BCAT1: variants seen among roughly 807,000 people sequenced by gnomAD.
BCAT1 encodes the protein branched-chain-amino-acid aminotransferase, cytosolic.
In BCAT1, 48 loss-of-function variants were observed where a neutral mutation model predicts 52.4. The ratio of observed to expected loss-of-function variants is 0.92; its 90% CI spans 0.73 to 1.16. The LOEUF is 1.16. Among genes scored for constraint, BCAT1 ranks in the 50% most tolerant of loss-of-function variants. The pLI, the probability that BCAT1 is intolerant of heterozygous loss-of-function variation, is 0.00. For missense variants in BCAT1, 451 were observed against 457.1 expected (o/e 0.99, Z 0.12); for synonymous variants, 167 against 161.3 (o/e 1.04, Z -0.27).
intron 6 of BCAT1, among the ~76,000 whole-genome samples, chr12:24,845,800 T>A (rs998622996): frequency 6.6e-6 from 1 of 152,206 alleles, no homozygotes; most frequent in Non-Finnish European, 1.5e-5. Context: ...CTCATGCCTG[T>A]AATCCCAGTG....
chr12:24,847,231 T>A (rs1941374158), intron 6 of BCAT1, among the ~76,000 whole-genome samples: 1 of 152,158 alleles, frequency 6.6e-6, no homozygotes, highest in Admixed American at 6.5e-5. Flanking sequence ...CAGTTTTAGG[T>A]TCCCACCAAA....
chr12:24,895,026 A>G (rs777238070), intron 2 of BCAT1, among the ~76,000 whole-genome samples: 4 of 152,222 alleles, frequency 2.6e-5, no homozygotes, highest in South Asian at 2.1e-4. Flanking sequence ...TGAAAACAGG[A>G]AAGTTGAGAA....
chr12:24,894,331 G>T lies in BCAT1; in HGVS notation c.223C>A (p.Pro75Thr). The T allele has an allele frequency of 1.2e-6, 2 of 1,613,956 alleles. No individual in the cohort carries two copies. Among genetic ancestry groups the T allele is most frequent in the Non-Finnish European group, 1.7e-6 (2 of 1,179,876 alleles). ...GGGTGCAATGACAGGTTCTGAAGAG[G>T]CTTGATATGAGGTTTCTCCCATCCA... ...EFGWEKPHIK[P>T]LQNLSLHPGS... The change falls in exon 3 of 11, where the codon CCT becomes ACT. Residue 75 changes from proline to threonine, a missense_variant. By Grantham distance (38) the Pro-to-Thr change is conservative. Coordinates refer to ENST00000261192, the MANE Select transcript of BCAT1 (RefSeq NM_005504.7).
intron 1 of BCAT1, among the ~76,000 whole-genome samples, chr12:24,937,576 C>T (rs34556925): frequency 0.16 from 24,258 of 152,122 alleles, 2,490 homozygotes; most frequent in Non-Finnish European, 0.23. Flanking sequence ...AGTGCAGTGA[C>T]GTGATCACAG....
intron 10 of BCAT1, among the ~76,000 whole-genome samples, chr12:24,828,683 T>C (rs1321502420): frequency 2.6e-5 from 4 of 152,206 alleles, no homozygotes; most frequent in Non-Finnish European, 5.9e-5. Flanking sequence ...TACAATATGA[T>C]CCCATTTTGT....
intron 1 of BCAT1, among the ~76,000 whole-genome samples, chr12:24,916,434 C>CAA (rs138576755): frequency 6.6e-6 from 1 of 151,632 alleles, no homozygotes; most frequent in Non-Finnish European, 1.5e-5. Context: ...CGGTTGCACT[C>CAA]AAAAAAAAGA....
chr12:24,923,129 G>C (rs1943526658), intron 1 of BCAT1, among the ~76,000 whole-genome samples: 1 of 152,118 alleles, frequency 6.6e-6, no homozygotes, highest in African/African-American at 2.4e-5. Flanking sequence ...TAAAATTCCA[G>C]ACTCCCAGAA....
In BCAT1 at chr12:24,842,200, G is replaced by C. The variant is rs776979065; in HGVS notation, c.699C>G (p.Ala233=). Residue 233 remains alanine (A), a synonymous_variant, in exon 7 of 11, where the codon GCC becomes GCG. Coordinates refer to ENST00000261192, the MANE Select transcript of BCAT1 (RefSeq NM_005504.7). ...ACCCATTATCTACTGCTTCACATTG[G>C]GCAAAAAGAGATGAGCCGTAATTCC... ...MGGNYGSSLF[A]QCEAVDNGCQ... 12 of 1,613,482 alleles carry C rather than the reference G, an allele frequency of 7.4e-6. No homozygotes were observed. The Admixed American group carries it at 2.0e-4, about 27-fold the overall frequency.
Position 24,812,298 on chromosome 12 carries a change from T to C in BCAT1, c.*5710A>G, listed in dbSNP as rs997059304. The C allele has an allele frequency of 4.5e-5, 6 of 132,206 alleles. No individual in the cohort carries two copies. Among genetic ancestry groups the C allele is most frequent in the Admixed American group, 1.6e-4 (2 of 12,894 alleles). The allele number at this position is 132,206 out of a possible 1,614,324, so 8.2% of individuals were successfully genotyped here. ...ACCTTCCACCTATCAGGATAGGAGA[T>C]AGTAAATAGTATCTCTAAGGGAAAA... On this transcript the variant is annotated 3_prime_UTR_variant, in exon 11 of 11. Transcript: ENST00000261192.
At chr12:24,860,974 C>T (rs1468179159) in intron 5 of BCAT1, among the ~76,000 whole-genome samples, 1 of 152,176 alleles carries the variant, frequency 6.6e-6, no homozygotes, top group Non-Finnish European at 1.5e-5. Flanking sequence ...ATTATTATTG[C>T]TATGCTTTAT....
At chr12:24,916,260 G>A (rs751972892) in intron 1 of BCAT1, among the ~76,000 whole-genome samples, 1 of 152,108 alleles carries the variant, frequency 6.6e-6, no homozygotes, top group Admixed American at 6.5e-5. Flanking sequence ...TCTTTTCAAC[G>A]TCTCCAAAAT....
chr12:24,887,080 A>AAAAAAAAAAATTTAT (rs1245203518), intron 3 of BCAT1, among the ~76,000 whole-genome samples: 1 of 40,748 alleles, frequency 2.5e-5, no homozygotes, highest in Non-Finnish European at 5.2e-5. Flanking sequence ...AAAAAAAAAA[A>AAAAAAAAAAATTTAT]ATATATATAT....
At position 24,949,057 on chromosome 12, in the gene BCAT1, G is replaced by T; in HGVS notation, c.-125C>A. The T allele has an allele frequency of 1.0e-6, 1 of 975,160 alleles. No individual in the cohort carries two copies. The highest frequency in any genetic ancestry group is 1.5e-6 in the Non-Finnish European group (1 of 650,932). 60.4% of individuals were successfully genotyped at this position (975,160 alleles called of 1,614,324 possible). A position where few individuals can be genotyped will look rare whatever the true frequency, so the allele number is the denominator to read the frequency against. ...GGTCCCGGCTGCAGCAAGACCTGGG[G>T]CAGTGCCCGAGGCGGCGGCGAGTAC... On this transcript the variant is annotated 5_prime_UTR_variant, in exon 1 of 11. Coordinates refer to ENST00000261192, the MANE Select transcript of BCAT1 (RefSeq NM_005504.7).
At chr12:24,882,477 TATAAC>T (rs1447674684) in intron 3 of BCAT1, among the ~76,000 whole-genome samples, 1 of 152,166 alleles carries the variant, frequency 6.6e-6, no homozygotes, top group East Asian at 1.9e-4. Flanking sequence ...GTTTATTAAA[TATAAC>T]AGTACTAAAG....
intron 5 of BCAT1, among the ~76,000 whole-genome samples, chr12:24,860,213 A>G (rs1476504709): frequency 6.6e-6 from 1 of 152,026 alleles, no homozygotes; most frequent in Non-Finnish European, 1.5e-5. Context: ...AAAGTGTGCC[A>G]TTAAGATAGA....
chr12:24,841,077 A>G (rs1437198104), intron 7 of BCAT1, among the ~76,000 whole-genome samples: 1 of 152,236 alleles, frequency 6.6e-6, no homozygotes, highest in East Asian at 1.9e-4. Flanking sequence ...TAATAAAAAA[A>G]AACAGCAAAG....
At position 24,817,963 on chromosome 12, in the gene BCAT1, T is replaced by C. The variant is rs1422662495; in HGVS notation, c.*45A>G. 1.3e-6 allele frequency: 2 copies of C among 1,584,030 alleles called. No homozygotes were observed. The highest frequency in any genetic ancestry group is 1.7e-4 in the Middle Eastern group (1 of 5,974). ...AATGCAACAGTCTGTCCCAGTAGCA[T>C]ACAGTTGGTATCCTCTATTTTCCAT... On this transcript the variant is annotated 3_prime_UTR_variant, in exon 11 of 11. Coordinates refer to ENST00000261192, the MANE Select transcript of BCAT1 (RefSeq NM_005504.7).
chr12:24,863,476 GAAA>G, intron 5 of BCAT1, among the ~76,000 whole-genome samples: 1 of 152,174 alleles, frequency 6.6e-6, no homozygotes. Context: ...GAGCATTTGG[GAAA>G]AAGACAAGAA....
chr12:24,902,308 T>A, intron 1 of BCAT1: 2 of 1,274,238 alleles, frequency 1.6e-6, no homozygotes, highest in Non-Finnish European at 9.9e-7. Context: ...AGACGCACAA[T>A]AGCAAGCCTG....
Sources: gnomAD v4.1 joint callset for allele counts (sites outside exome capture counted in the v4.1 genomes callset) on GRCh38, gnomAD v4.1.1 for gene constraint, MANE v1.5 for transcripts, NCBI Gene and HGNC (gene_info 2026-07-23, HGNC 2026-07-21) for gene names.